Variants in CALN1 observed in about 807,000 individuals in gnomAD.
The protein encoded by CALN1 is calcium-binding protein 8.
A neutral mutation model predicts 30.6 loss-of-function variants in CALN1; 17 were observed. The ratio of observed to expected loss-of-function variants is 0.56; its 90% CI spans 0.38 to 0.83. The LOEUF (loss-of-function observed/expected upper bound fraction) is 0.83. Among genes scored for constraint, CALN1 ranks in the 40% least tolerant of loss-of-function variants. The probability of loss-of-function intolerance (pLI) is 0.00; values close to 1 mark genes in which losing one functional copy is unlikely to be tolerated. For missense variants in CALN1, 291 were observed against 354.9 expected (o/e 0.82, Z 1.45); for synonymous variants, 156 against 131.4 (o/e 1.19, Z -1.28).
At chr7:72,085,122 C>T (rs1489831289) in intron 4 of CALN1, among the ~76,000 whole-genome samples, 1 of 152,138 alleles carries the variant, frequency 6.6e-6, no homozygotes, top group African/African-American at 2.4e-5. Context: ...CAGCCAAACG[C>T]TATGTCATTA....
At chr7:72,166,303 G>A (rs529094660) in intron 3 of CALN1, among the ~76,000 whole-genome samples, 11 of 152,274 alleles carry the variant, frequency 7.2e-5, no homozygotes, top group African/African-American at 2.6e-4. Flanking sequence ...CTAGGCTCAA[G>A]CAATCCTCCT....
At chr7:72,000,633 A>G (rs1397091632) in intron 5 of CALN1, among the ~76,000 whole-genome samples, 2 of 152,190 alleles carry the variant, frequency 1.3e-5, no homozygotes, top group Non-Finnish European at 2.9e-5. Flanking sequence ...TCTCTCCCAT[A>G]AACAGTTTTA....
intron 4 of CALN1, among the ~76,000 whole-genome samples, chr7:72,091,183 T>A (rs1449672471): frequency 1.3e-5 from 2 of 152,002 alleles, no homozygotes; most frequent in African/African-American, 2.4e-5. Context: ...ACAAAAAAAA[T>A]TAGCCAGGCC....
chr7:72,088,784 G>C (rs1279587128), intron 4 of CALN1, among the ~76,000 whole-genome samples: 1 of 149,018 alleles, frequency 6.7e-6, no homozygotes, highest in Non-Finnish European at 1.5e-5. Context: ...AGAGAAGGAA[G>C]GGAAGGAAGG....
intron 4 of CALN1, among the ~76,000 whole-genome samples, chr7:72,051,477 A>AAGCT (rs999239505): frequency 5.9e-5 from 9 of 152,288 alleles, no homozygotes; most frequent in Admixed American, 5.2e-4. Context: ...AATACCTGAA[A>AAGCT]AGCTTCTCAA....
chr7:71,907,140 T>C (rs760241748), intron 5 of CALN1, among the ~76,000 whole-genome samples: 3 of 152,146 alleles, frequency 2.0e-5, no homozygotes, highest in African/African-American at 7.2e-5. Flanking sequence ...CTTTGGATAA[T>C]TGAACATTTA....
intron 4 of CALN1, among the ~76,000 whole-genome samples, chr7:72,067,800 GCTGA>G (rs75053782): frequency 0.061 from 9,337 of 152,244 alleles, 400 homozygotes; most frequent in Non-Finnish European, 0.09. Context: ...TCCAGCAAGG[GCTGA>G]CCTCAGACCA....
chr7:72,267,836 G>A (rs1308374298), intron 3 of CALN1, among the ~76,000 whole-genome samples: 5 of 152,052 alleles, frequency 3.3e-5, no homozygotes, highest in African/African-American at 7.2e-5. Context: ...GCAAGACCTC[G>A]TCTTTGCTAA....
intron 3 of CALN1, among the ~76,000 whole-genome samples, chr7:72,270,070 C>T (rs537391539): frequency 1.3e-5 from 2 of 151,644 alleles, no homozygotes; most frequent in African/African-American, 4.8e-5. Flanking sequence ...AATTCTAGAT[C>T]TGAAAAAAAT....
At chr7:72,401,396 C>CT (rs551464481) in intron 2 of CALN1, among the ~76,000 whole-genome samples, 97 of 152,332 alleles carry the variant, frequency 6.4e-4, no homozygotes, top group Admixed American at 1.6e-3. Flanking sequence ...GGCTTTCTCT[C>CT]TCTCAGCCCA....
chr7:72,430,115 G>A (rs565663023), intron 1 of CALN1, among the ~76,000 whole-genome samples: 100 of 150,500 alleles, frequency 6.6e-4, no homozygotes, highest in African/African-American at 2.1e-3. Context: ...GCCACCGCCC[G>A]GCCTGTAATT....
At chr7:71,830,033 C>CT (rs67629864) in intron 5 of CALN1, among the ~76,000 whole-genome samples, 9,348 of 136,646 alleles carry the variant, frequency 0.068, 961 homozygotes, top group African/African-American at 0.22. Flanking sequence ...GAGTAAGTTC[C>CT]TTTTTTTTTT....
chr7:71,872,242 G>A (rs778602181), intron 5 of CALN1, among the ~76,000 whole-genome samples: 3 of 152,078 alleles, frequency 2.0e-5, no homozygotes, highest in Non-Finnish European at 2.9e-5. Flanking sequence ...CCCTCCATAA[G>A]GGCAGATGTT....
At chr7:72,478,805 G>A in the CALN1 span, among the ~76,000 whole-genome samples, 2 of 151,858 alleles carry the variant, frequency 1.3e-5, no homozygotes, top group Non-Finnish European at 2.9e-5. Context: ...GGCGTATACT[G>A]TAGTTTTAAT....
At chr7:71,789,755 T>C (rs1475766809) in intron 6 of CALN1, among the ~76,000 whole-genome samples, 1 of 152,002 alleles carries the variant, frequency 6.6e-6, no homozygotes, top group Non-Finnish European at 1.5e-5. Flanking sequence ...CATGTATAGG[T>C]CTCAATCAAA....
intron 3 of CALN1, among the ~76,000 whole-genome samples, chr7:72,208,196 T>C (rs769130035): frequency 1.9e-4 from 29 of 152,326 alleles, no homozygotes; most frequent in Non-Finnish European, 3.1e-4. Flanking sequence ...CTGATTCACA[T>C]AGATGGGTAG....
chr7:72,243,174 G>GT (rs1433301882), intron 3 of CALN1, among the ~76,000 whole-genome samples: 1 of 152,140 alleles, frequency 6.6e-6, no homozygotes, highest in Non-Finnish European at 1.5e-5. Context: ...CCCCGTGATG[G>GT]TATCAGTGCC....
At chr7:72,033,028 G>A (rs947947856) in intron 4 of CALN1, among the ~76,000 whole-genome samples, 10 of 152,196 alleles carry the variant, frequency 6.6e-5, no homozygotes, top group Admixed American at 5.9e-4. Flanking sequence ...TGAGCAAGTA[G>A]CTGCAGGAAG....
In CALN1 at chr7:72,166,629, C is replaced by G. The variant is rs184136791; in HGVS notation, c.245-60335G>C. On this transcript the variant is annotated intron_variant, in intron 3 of 6. Transcript: ENST00000395275. ...CCTCCTACCTAACAGTCCTAACAAA[C>G]AAGAGCAAAATATGGGAAACAGAGT... Among the ~76,000 whole-genome samples the G allele has an allele frequency of 3.3e-5, 5 of 152,308 alleles. No homozygotes were observed. The East Asian group carries it at 9.6e-4, about 29-fold the overall frequency.
Sources: gnomAD v4.1 joint callset for allele counts (sites outside exome capture counted in the v4.1 genomes callset) on GRCh38, gnomAD v4.1.1 for gene constraint, MANE v1.5 for transcripts, NCBI Gene and HGNC (gene_info 2026-07-23, HGNC 2026-07-21) for gene names.